The following TUBGCP3 variants were observed in gnomAD, a reference collection of about 807,000 sequenced individuals.
The protein encoded by TUBGCP3 is gamma-tubulin complex component 3.
TUBGCP3 carries 50 observed loss-of-function variants against 123.1 expected under a neutral mutation model. The observed-to-expected ratio is 0.41, with a 90% CI of 0.32 to 0.51. TUBGCP3 has a LOEUF of 0.51. TUBGCP3 is among the 20% of genes least tolerant of loss of function. TUBGCP3 has a pLI of 0.36. For synonymous variants in TUBGCP3, 405 were observed against 413.9 expected (o/e 0.98, Z 0.26); for missense variants, 882 against 1,127.0 (o/e 0.78, Z 3.11).
Position 112,531,623 on chromosome 13 carries a change from A to G in TUBGCP3, c.1336-4139T>C, listed in dbSNP as rs7322732. On this transcript the variant is annotated intron_variant, in intron 11 of 21. Coordinates refer to ENST00000261965, the MANE Select transcript of TUBGCP3 (RefSeq NM_006322.6). ...GGAGTACAGCCGGATTTTTATCAGTATGAACAATAAAGAAAATGTAAGCCA... is the reference window on the plus strand; with the variant it reads ...GGAGTACAGCCGGATTTTTATCAGTGTGAACAATAAAGAAAATGTAAGCCA... 5.8e-3 allele frequency among the ~76,000 whole-genome samples: 884 copies of G among 152,316 alleles called. 4 individuals carry two copies. Among genetic ancestry groups the G allele is most frequent in the African/African-American group, 0.02 (837 of 41,560 alleles).
At chr13:112,512,741 A>G (rs773739303) in intron 17 of TUBGCP3, among the ~76,000 whole-genome samples, 8 of 152,182 alleles carry the variant, frequency 5.3e-5, no homozygotes, top group Non-Finnish European at 1.2e-4. Context: ...TCTCAAAAAA[A>G]AGGTAAACGT....
chr13:112,595,606 T>C, the TUBGCP3 span, among the ~76,000 whole-genome samples: 1 of 152,198 alleles, frequency 6.6e-6, no homozygotes, highest in Non-Finnish European at 1.5e-5. Context: ...GGCTCTGAAG[T>C]CTACTTTATC....
the TUBGCP3 span, among the ~76,000 whole-genome samples, chr13:112,599,860 T>C: frequency 1.3e-5 from 2 of 152,146 alleles, no homozygotes; most frequent in African/African-American, 4.8e-5. Flanking sequence ...TATACCATTT[T>C]TATACCATTT....
intron 8 of TUBGCP3, among the ~76,000 whole-genome samples, chr13:112,548,756 C>G (rs922829143): frequency 1.3e-5 from 2 of 152,232 alleles, no homozygotes; most frequent in African/African-American, 4.8e-5. Context: ...CACTGGCCAT[C>G]AGAGACATGC....
chr13:112,585,567 G>A (rs1054371709), intron 1 of TUBGCP3, among the ~76,000 whole-genome samples: 2 of 152,094 alleles, frequency 1.3e-5, no homozygotes, highest in African/African-American at 4.8e-5. Context: ...GAGGTCAGGA[G>A]TTGGAGACCA....
intron 1 of TUBGCP3, chr13:112,587,470 A>G (rs1270334207): frequency 6.1e-6 from 1 of 163,874 alleles, no homozygotes; most frequent in Non-Finnish European, 1.3e-5. Context: ...TCTCCACCCC[A>G]CAGGATGAAC....
chr13:112,548,460 T>C (rs1879255194), intron 8 of TUBGCP3, among the ~76,000 whole-genome samples: 1 of 152,166 alleles, frequency 6.6e-6, no homozygotes, highest in Admixed American at 6.5e-5. Flanking sequence ...CTTTAGAGAA[T>C]GATCCTTTAA....
At chr13:112,521,383 G>C (rs1483307866) in intron 14 of TUBGCP3, among the ~76,000 whole-genome samples, 2 of 152,212 alleles carry the variant, frequency 1.3e-5, no homozygotes, top group Non-Finnish European at 2.9e-5. Flanking sequence ...CTAGAAGGTA[G>C]GATGTAAGAG....
intron 5 of TUBGCP3, 22 bp from the exon 6 acceptor site, chr13:112,556,246 A>G (rs1880031622): frequency 1.9e-6 from 3 of 1,607,690 alleles, no homozygotes; most frequent in Non-Finnish European, 1.7e-6. Context: ...AACATGTATT[A>G]TCTTCTAATA....
chr13:112,555,589 C>T (rs1879953915), intron 6 of TUBGCP3, among the ~76,000 whole-genome samples: 1 of 152,200 alleles, frequency 6.6e-6, no homozygotes, highest in South Asian at 2.1e-4. Context: ...TTCAGTAATT[C>T]CTCAATGACT....
intron 13 of TUBGCP3, 98 bp downstream of exon 13, chr13:112,526,844 C>T (rs746015421): frequency 6.8e-5 from 59 of 863,338 alleles, no homozygotes; most frequent in Non-Finnish European, 6.1e-5. Context: ...ACAATCACTA[C>T]GTCATCAACA....
intron 3 of TUBGCP3, among the ~76,000 whole-genome samples, chr13:112,563,731 C>T (rs1368295709): frequency 2.0e-5 from 3 of 150,238 alleles, no homozygotes; most frequent in Non-Finnish European, 4.4e-5. Flanking sequence ...AAAAATTAGC[C>T]GGGCGTGTTG....
chr13:112,534,860 C>T (rs574397075), intron 11 of TUBGCP3, among the ~76,000 whole-genome samples: 2 of 152,270 alleles, frequency 1.3e-5, no homozygotes, highest in African/African-American at 2.4e-5. Context: ...TATGGTCGTG[C>T]GACCATTCCT....
rs930085474 is a variant in TUBGCP3 at position 112,545,702 on chromosome 13, G to A, written c.1332C>T (p.His444=). Residue 444 remains histidine, a synonymous_variant, in exon 11 of 22, where the codon CAC becomes CAT. Transcript: ENST00000261965. This position sits in a 1 kb window ranked among gnomAD's most constrained non-coding sequence, Gnocchi z 4.1. ...IYDGELEDTY[H]EFFVASDPTV... is the part of the protein sequence containing the mutation. The stretch of plus-strand genomic sequence containing the variant: ...AGAACCGAACACCGATCCTTACTTC[G>A]TGGTAAGTGTCCTCAAGCTCCCCAT... 3.7e-6 allele frequency: 6 copies of A among 1,611,762 alleles called. No individual in the cohort carries two copies. Among genetic ancestry groups the A allele is most frequent in the South Asian group, 2.2e-5 (2 of 91,032 alleles).
intron 11 of TUBGCP3, among the ~76,000 whole-genome samples, chr13:112,542,844 G>A (rs901165495): frequency 6.6e-6 from 1 of 152,098 alleles, no homozygotes; most frequent in Non-Finnish European, 1.5e-5. Context: ...TTAAACAAAA[G>A]GTACAGAGCT....
At chr13:112,498,045 C>T (rs937118600) in intron 20 of TUBGCP3, among the ~76,000 whole-genome samples, 4 of 152,038 alleles carry the variant, frequency 2.6e-5, no homozygotes, top group African/African-American at 9.7e-5. Context: ...CACACACACA[C>T]ATGCATGTAC....
intron 1 of TUBGCP3, among the ~76,000 whole-genome samples, chr13:112,581,515 G>A (rs1034126194): frequency 6.6e-6 from 1 of 150,646 alleles, no homozygotes; most frequent in African/African-American, 2.5e-5. Flanking sequence ...GTAAGATCTC[G>A]GCTCCCTGCA....
chr13:112,537,459 T>C (rs1357763466), intron 11 of TUBGCP3, among the ~76,000 whole-genome samples: 1 of 152,204 alleles, frequency 6.6e-6, no homozygotes, highest in African/African-American at 2.4e-5. Flanking sequence ...TGACTTTGAT[T>C]ATATTGAACT....
intron 11 of TUBGCP3, among the ~76,000 whole-genome samples, chr13:112,535,055 G>A (rs1877934734): frequency 6.6e-6 from 1 of 152,180 alleles, no homozygotes; most frequent in African/African-American, 2.4e-5. Flanking sequence ...GGCCTTCTGT[G>A]TCTGGCTTAC....
Sources: gnomAD v4.1 joint callset for allele counts (sites outside exome capture counted in the v4.1 genomes callset) on GRCh38, gnomAD v4.1.1 for gene constraint, Gnocchi (gnomAD v3.1) non-coding constraint, MANE v1.5 for transcripts, NCBI Gene and HGNC (gene_info 2026-07-23, HGNC 2026-07-21) for gene names.